The following MARCHF9 variants were observed in gnomAD, a reference collection of about 807,000 sequenced individuals.
MARCHF9 encodes the protein membrane associated ring-CH-type finger 9, also known as E3 ubiquitin-protein ligase MARCHF9.
A neutral mutation model predicts 35.2 loss-of-function variants in MARCHF9; 17 were observed. That is an observed-to-expected ratio of 0.48 (90% confidence interval 0.33 to 0.72). MARCHF9 has a LOEUF of 0.72. Ranked by LOEUF, MARCHF9 falls within the 30% of genes least tolerant of loss-of-function variation. The pLI is 0.02. For missense variants in MARCHF9, 386 were observed against 478.2 expected (o/e 0.81, Z 1.80); for synonymous variants, 183 against 207.4 (o/e 0.88, Z 1.01).
At chr12:57,757,720 A>C (rs1955296365) in intron 2 of MARCHF9, 1 of 526,108 alleles carries the variant, frequency 1.9e-6, no homozygotes, top group East Asian at 3.1e-5. Flanking sequence ...TTTCTGTGTC[A>C]AGTTTTGGTG....
chr12:57,755,966 C>A, intron 1 of MARCHF9, 81 bp downstream of exon 1: 1 of 1,118,796 alleles, frequency 8.9e-7, no homozygotes, highest in Non-Finnish European at 1.2e-6. Flanking sequence ...GCAGGCGCGG[C>A]GCCTAAGGAG....
In MARCHF9 at chr12:57,758,665, T is replaced by C. The variant is rs762715352; in HGVS notation, c.809T>C (p.Ile270Thr). The C allele has an allele frequency of 1.9e-6, 3 of 1,613,816 alleles. No homozygotes were observed. Among genetic ancestry groups the C allele is most frequent in the South Asian group, 2.2e-5 (2 of 91,006 alleles). ...KVLNYDKTKD[I>T]GGDAGGGTAG... is the part of the protein sequence containing the mutation. ...CTAAATTATGACAAGACCAAGGACA[T>C]AGGAGGAGATGCAGGGGGAGGGACG... Residue 270 changes from isoleucine (I) to threonine (T), a missense_variant, in exon 4 of 4, where the codon ATA becomes ACA. Around this residue, in one of 3 missense-constraint regions of MARCHF9, gnomAD observed 111 missense variants for 112.4 expected, o/e 0.99. Transcript: ENST00000266643. The surrounding 1 kb of genome is among the most constrained non-coding windows in gnomAD (Gnocchi z 5.4).
intron 2 of MARCHF9, 81 bp downstream of exon 2, chr12:57,757,165 T>A: frequency 7.1e-7 from 1 of 1,409,142 alleles, no homozygotes; most frequent in Non-Finnish European, 9.3e-7. Context: ...GAAGCCTATT[T>A]CATTTACTCT....
chr12:57,755,369 C>A lies in MARCHF9; in HGVS notation c.-160C>A. On this transcript the variant is annotated 5_prime_UTR_variant, in exon 1 of 4. Transcript: ENST00000266643. ...CCGCTCGGCCCCGCAAGCACCGGAG[C>A]CCCGGCGGTGGCAGCAGTGAACGGC... 2.7e-6 allele frequency: 1 copy of A among 372,992 alleles called. No individual in the cohort carries two copies. The highest frequency in any genetic ancestry group is 4.6e-6 in the Non-Finnish European group (1 of 216,366). 23.1% of individuals were successfully genotyped at this position (372,992 alleles called of 1,614,324 possible).
chr12:57,758,133 T>C lies in MARCHF9; in HGVS notation c.539T>C (p.Ile180Thr). The C allele has an allele frequency of 6.2e-7, 1 of 1,614,228 alleles. No individual in the cohort carries two copies. Among genetic ancestry groups the C allele is most frequent in the Non-Finnish European group, 8.5e-7 (1 of 1,180,036 alleles). Reference protein sequence around the residue: ...LQWQAISLTVIEKVQIAAIVL... With the variant: ...LQWQAISLTVTEKVQIAAIVL... ...TGGCAGGCCATCTCCCTGACGGTCATCGAGAAGGTCCAGATTGCTGCCATA... is the reference window on the plus strand; with the variant it reads ...TGGCAGGCCATCTCCCTGACGGTCACCGAGAAGGTCCAGATTGCTGCCATA... The change falls in exon 3 of 4, where the codon ATC becomes ACC. Residue 180 changes from isoleucine to threonine, a missense_variant. Ile to Thr is a moderately conservative substitution (Grantham distance 89). Coordinates refer to ENST00000266643, the MANE Select transcript of MARCHF9 (RefSeq NM_138396.6). The surrounding 1 kb of genome is among the most constrained non-coding windows in gnomAD (Gnocchi z 5.4).
intron 1 of MARCHF9, 71 bp from the exon 2 acceptor site, chr12:57,756,858 T>G: frequency 7.2e-7 from 1 of 1,383,324 alleles, no homozygotes; most frequent in Non-Finnish European, 9.5e-7. Context: ...GAGGTTTCCC[T>G]GTCGGGGAGC....
At position 57,758,507 on chromosome 12, in the gene MARCHF9, C is replaced by A. The variant is rs1955300433; in HGVS notation, c.707-56C>A. The A allele has an allele frequency of 1.3e-6, 2 of 1,508,188 alleles. No homozygotes were observed. The highest frequency in any genetic ancestry group is 8.9e-7 in the Non-Finnish European group (1 of 1,120,776). 93.4% of individuals were successfully genotyped at this position (1,508,188 alleles called of 1,614,324 possible). A position where few individuals can be genotyped will look rare whatever the true frequency, so the allele number is the denominator to read the frequency against. On this transcript the variant is annotated intron_variant, in intron 3 of 3. Coordinates refer to ENST00000266643, the MANE Select transcript of MARCHF9 (RefSeq NM_138396.6). This position sits in a 1 kb window ranked among gnomAD's most constrained non-coding sequence, Gnocchi z 5.4. ...TCTGAAGAAATGCTTGCTTAAGTAC[C>A]TCTGGCCTAGATCTAGGCCACAGTT...
In MARCHF9 at chr12:57,759,143, G is replaced by C; in HGVS notation, c.*246G>C. 1 of 474,946 alleles carries C rather than the reference G, an allele frequency of 2.1e-6. No individual in the cohort carries two copies. Among genetic ancestry groups the C allele is most frequent in the Non-Finnish European group, 3.7e-6 (1 of 267,590 alleles). 29.4% of individuals were successfully genotyped at this position (474,946 alleles called of 1,614,324 possible). ...TCATCCAGAGACGGCCGGTGGGCAG[G>C]CGGGGAGAGCAGCTTTCCTTCCCTG... On this transcript the variant is annotated 3_prime_UTR_variant, in exon 4 of 4. Transcript: ENST00000266643.
chr12:57,758,325 C>A lies in MARCHF9; in HGVS notation c.706+25C>A, dbSNP rs1271093429. On this transcript the variant is annotated intron_variant, in intron 3 of 3. Coordinates refer to ENST00000266643, the MANE Select transcript of MARCHF9 (RefSeq NM_138396.6). This position sits in a 1 kb window ranked among gnomAD's most constrained non-coding sequence, Gnocchi z 5.4. ...GGTGAGGGCACCTCTCTCTCCTTTA[C>A]CTGCTCTGTATCTTCCTCTTACACA... 1 of 1,594,376 alleles carries A rather than the reference C, an allele frequency of 6.3e-7. No individual in the cohort carries two copies. Among genetic ancestry groups the A allele is most frequent in the South Asian group, 1.1e-5 (1 of 89,556 alleles).
At position 57,758,777 on chromosome 12, in the gene MARCHF9, G is replaced by C; in HGVS notation, c.921G>C (p.Thr307=). ...SRPPAAQRMR[T]LLPQRCGYTI... ...CCCCAGCTGCCCAGCGCATGCGGAC[G>C]CTCTTGCCTCAGCGCTGCGGTTATA... Residue 307 remains threonine, a synonymous_variant, in exon 4 of 4, where the codon ACG becomes ACC. Coordinates refer to ENST00000266643, the MANE Select transcript of MARCHF9 (RefSeq NM_138396.6). This position sits in a 1 kb window ranked among gnomAD's most constrained non-coding sequence, Gnocchi z 5.4. The C allele has an allele frequency of 6.2e-7, 1 of 1,613,236 alleles. No homozygotes were observed. Among genetic ancestry groups the C allele is most frequent in the Non-Finnish European group, 8.5e-7 (1 of 1,179,778 alleles).
Position 57,758,358 on chromosome 12 carries a change from C to A in MARCHF9, c.706+58C>A. ...GTATCTTCCTCTTACACACCTAACT[C>A]CCCTGCCCATCCCCTCAGTTTCCTG... On this transcript the variant is annotated intron_variant, in intron 3 of 3. Transcript: ENST00000266643. The surrounding 1 kb of genome is among the most constrained non-coding windows in gnomAD (Gnocchi z 5.4). 1 of 1,533,750 alleles carries A rather than the reference C, an allele frequency of 6.5e-7. No homozygotes were observed. Among genetic ancestry groups the A allele is most frequent in the South Asian group, 1.2e-5 (1 of 81,720 alleles).
rs767882270 is a variant in MARCHF9, at chr12:57,755,535, A to T, written c.7A>T (p.Lys3Ter). The change falls in exon 1 of 4, where the codon AAG (lysine) becomes TAG (stop). Residue 3 changes from lysine to a stop codon, truncating the protein, a stop_gained. Coordinates refer to ENST00000266643, the MANE Select transcript of MARCHF9 (RefSeq NM_138396.6). LOFTEE classifies it high-confidence loss of function. ...CGCCCCCGGTGTCCGGACGATGCTC[A>T]AGTCTCGGCTCCGCATGTTTCTGAA... The part of the protein sequence containing the change: ML[K>*]SRLRMFLNEL... 8.7e-7 allele frequency: 1 copy of T among 1,150,916 alleles called. No homozygotes were observed. The highest frequency in any genetic ancestry group is 1.7e-5 in the South Asian group (1 of 57,966). 71.3% of individuals were successfully genotyped at this position (1,150,916 alleles called of 1,614,324 possible).
At position 57,758,208 on chromosome 12, in the gene MARCHF9, CCTCA is replaced by C; in HGVS notation, c.619_622del (p.Leu207AlafsTer28). ...GCCAGCATCTCCTGGCTCATCTGGT[CCTCA>C]CTCAGCCCTTCAGCCAAGTGGCAAC... On this transcript the variant is annotated frameshift_variant, in exon 3 of 4. Coordinates refer to ENST00000266643, the MANE Select transcript of MARCHF9 (RefSeq NM_138396.6). LOFTEE classifies it high-confidence loss of function. The surrounding 1 kb of genome is among the most constrained non-coding windows in gnomAD (Gnocchi z 5.4). 6.2e-7 allele frequency: 1 copy of C among 1,614,262 alleles called. No individual in the cohort carries two copies. The highest frequency in any genetic ancestry group is 8.5e-7 in the Non-Finnish European group (1 of 1,180,042).
rs780044971 is a variant in MARCHF9, at chr12:57,758,128, G to T, written c.534G>T (p.Thr178=). 1.2e-6 allele frequency: 2 copies of T among 1,614,140 alleles called. No individual in the cohort carries two copies. Among genetic ancestry groups the T allele is most frequent in the Non-Finnish European group, 1.7e-6 (2 of 1,180,034 alleles). Residue 178 remains threonine, a synonymous_variant, in exon 3 of 4, where the codon ACG becomes ACT. Coordinates refer to ENST00000266643, the MANE Select transcript of MARCHF9 (RefSeq NM_138396.6). The surrounding 1 kb of genome is among the most constrained non-coding windows in gnomAD (Gnocchi z 5.4). ...CACAGTGGCAGGCCATCTCCCTGAC[G>T]GTCATCGAGAAGGTCCAGATTGCTG... The part of the protein sequence containing the change: ...NPLQWQAISL[T]VIEKVQIAAI...
rs1955277882 is a variant in MARCHF9, at chr12:57,755,410, AGACCCCG to A, written c.-117_-111del. ...AGTGAACGGCTGTCGCAGGCCCCGA[AGACCCCG>A]GCCCGGCTCGGCTCTCTAGCGCGCG... On this transcript the variant is annotated 5_prime_UTR_variant, in exon 1 of 4. Transcript: ENST00000266643. 2.0e-6 allele frequency: 1 copy of A among 503,816 alleles called. No homozygotes were observed. The highest frequency in any genetic ancestry group is 3.1e-6 in the Non-Finnish European group (1 of 322,638). 31.2% of individuals were successfully genotyped at this position (503,816 alleles called of 1,614,324 possible).
Position 57,758,718 on chromosome 12 carries a change from C to T in MARCHF9, c.862C>T (p.Arg288Trp), listed in dbSNP as rs369104296. The T allele has an allele frequency of 1.7e-5, 28 of 1,609,926 alleles. No individual in the cohort carries two copies. In the African/African-American group the frequency reaches 2.0e-4, roughly 12 times the overall value. The change falls in exon 4 of 4, where the codon CGG becomes TGG. Residue 288 changes from arginine to tryptophan, a missense_variant. Transcript: ENST00000266643. The surrounding 1 kb of genome is among the most constrained non-coding windows in gnomAD (Gnocchi z 5.4). ...TAGKSGPRNSRTGPTSGATSR... is the reference protein window; with the variant it reads ...TAGKSGPRNSWTGPTSGATSR... ...AGGGAAGTCAGGCCCCAGGAACTCA[C>T]GGACGGGCCCCACCTCTGGGGCCAC... is the stretch of plus-strand genomic sequence containing the variant.
At chr12:57,756,714 T>A (rs1955289761) in intron 1 of MARCHF9, among the ~76,000 whole-genome samples, 1 of 152,180 alleles carries the variant, frequency 6.6e-6, no homozygotes, top group South Asian at 2.1e-4. Context: ...CTTTCCATCT[T>A]TCATCTCTTT....
intron 2 of MARCHF9, 147 bp downstream of exon 2, chr12:57,757,231 T>G (rs1955293092): frequency 1.2e-6 from 1 of 853,506 alleles, no homozygotes; most frequent in Non-Finnish European, 1.7e-6. Flanking sequence ...TGTCTGTATA[T>G]CCTTCCTAAG....
Position 57,758,436 on chromosome 12 carries a change from C to G in MARCHF9, c.707-127C>G. The G allele has an allele frequency of 1.5e-6, 2 of 1,336,284 alleles. No individual in the cohort carries two copies. Among genetic ancestry groups the G allele is most frequent in the Non-Finnish European group, 2.0e-6 (2 of 989,998 alleles). 82.8% of individuals were successfully genotyped at this position (1,336,284 alleles called of 1,614,324 possible). On this transcript the variant is annotated intron_variant, in intron 3 of 3. Coordinates refer to ENST00000266643, the MANE Select transcript of MARCHF9 (RefSeq NM_138396.6). The surrounding 1 kb of genome is among the most constrained non-coding windows in gnomAD (Gnocchi z 5.4). The stretch of plus-strand genomic sequence containing the variant: ...AGTGCTATCCTGGTGCCCCCTCAAC[C>G]CACTTCCCTGCTTCTCCAGGGCCCT...
Sources: gnomAD v4.1 joint callset for allele counts (sites outside exome capture counted in the v4.1 genomes callset) on GRCh38, gnomAD v4.1.1 for gene constraint, gnomAD v4.1.1 regional missense constraint, Gnocchi (gnomAD v3.1) non-coding constraint, MANE v1.5 for transcripts, NCBI Gene and HGNC (gene_info 2026-07-23, HGNC 2026-07-21) for gene names.